The following CSGALNACT1 variants were observed in gnomAD, a reference collection of about 807,000 sequenced individuals.
The protein encoded by CSGALNACT1 is chondroitin sulfate N-acetylgalactosaminyltransferase 1.
In CSGALNACT1, 52 loss-of-function variants were observed where a neutral mutation model predicts 51.0. The observed-to-expected ratio is 1.02, with a 90% confidence interval of 0.82 to 1.29. CSGALNACT1 has a LOEUF of 1.29. Among genes scored for constraint, CSGALNACT1 ranks in the 50% most tolerant of loss-of-function variants. The probability of loss-of-function intolerance (pLI) is 0.00; values close to 1 mark genes in which losing one functional copy is unlikely to be tolerated. For synonymous variants in CSGALNACT1, 341 were observed against 254.4 expected, an observed-to-expected ratio of 1.34 and a Z score of -3.24; for missense variants, 935 against 679.2, an observed-to-expected ratio of 1.38 and a Z score of -4.19.
intron 4 of CSGALNACT1, among the ~76,000 whole-genome samples, chr8:19,502,573 A>C (rs1046280529): frequency 3.9e-5 from 6 of 152,306 alleles, no homozygotes; most frequent in African/African-American, 1.4e-4. Flanking sequence ...TGGAACTCTC[A>C]AAGTGTGGAG....
At chr8:19,535,000 G>C (rs1445333262) in intron 3 of CSGALNACT1, among the ~76,000 whole-genome samples, 1 of 152,160 alleles carries the variant, frequency 6.6e-6, no homozygotes, top group Non-Finnish European at 1.5e-5. Context: ...AAAAGATGTT[G>C]CCAGGTTGAA....
At chr8:19,587,989 G>A (rs2047013259) in intron 3 of CSGALNACT1, 1 of 152,152 alleles carries the variant, frequency 6.6e-6, no homozygotes, top group Non-Finnish European at 1.5e-5. Context: ...TCAGGAGTTT[G>A]AGACCAGCCT....
At chr8:19,604,365 G>A (rs2051044994), upstream of CSGALNACT1, among the ~76,000 whole-genome samples, 1 of 152,176 alleles carries the variant, frequency 6.6e-6, no homozygotes, top group African/African-American at 2.4e-5. Flanking sequence ...CACCACACAA[G>A]CTATGTTACA....
At chr8:19,507,909 G>A (rs1464255325) in intron 3 of CSGALNACT1, among the ~76,000 whole-genome samples, 4 of 152,254 alleles carry the variant, frequency 2.6e-5, no homozygotes, top group South Asian at 2.1e-4. Context: ...TTACAGGCGT[G>A]AGCCGCCGTG....
At chr8:19,642,227 G>A (rs2056817683) in intron 1 of CSGALNACT1, among the ~76,000 whole-genome samples, 1 of 152,186 alleles carries the variant, frequency 6.6e-6, no homozygotes, top group Non-Finnish European at 1.5e-5. Flanking sequence ...GAAGGGTAGA[G>A]ATCAGAGAAG....
chr8:19,699,747 C>T (rs1406153357), intron 1 of CSGALNACT1, among the ~76,000 whole-genome samples: 2 of 152,128 alleles, frequency 1.3e-5, no homozygotes, highest in East Asian at 1.9e-4. Context: ...TACCTATTGC[C>T]ACTGAATTGT....
intron 3 of CSGALNACT1, among the ~76,000 whole-genome samples, chr8:19,517,618 C>T: frequency 6.6e-6 from 1 of 152,102 alleles, no homozygotes; most frequent in East Asian, 1.9e-4. Context: ...TTCCACATGG[C>T]TGGGGAGGCC....
chr8:19,461,172 C>T (rs1435104207), intron 4 of CSGALNACT1, among the ~76,000 whole-genome samples: 2 of 152,132 alleles, frequency 1.3e-5, no homozygotes, highest in Non-Finnish European at 2.9e-5. Flanking sequence ...TTTCAAAGTC[C>T]CAGAGGGAAA....
At chr8:19,440,013 G>A (rs1290380321) in intron 5 of CSGALNACT1, 82 bp from the exon 5 acceptor site, 1 of 1,168,300 alleles carries the variant, frequency 8.6e-7, no homozygotes, top group Non-Finnish European at 1.3e-6. Context: ...TTTGTAAAGT[G>A]CAAAAGGGTC....
At chr8:19,540,821 G>C (rs1189611135) in intron 3 of CSGALNACT1, among the ~76,000 whole-genome samples, 2 of 152,024 alleles carry the variant, frequency 1.3e-5, no homozygotes, top group Admixed American at 1.3e-4. Flanking sequence ...CCCTTTGCTG[G>C]AATAATCCCC....
intron 3 of CSGALNACT1, among the ~76,000 whole-genome samples, chr8:19,554,022 T>C (rs560818580): frequency 2.6e-5 from 4 of 152,006 alleles, no homozygotes; most frequent in Admixed American, 6.6e-5. Context: ...AGTTTGTCCA[T>C]TGTTCAACAT....
At chr8:19,410,935 C>G (rs918146829) in intron 8 of CSGALNACT1, among the ~76,000 whole-genome samples, 8 of 152,234 alleles carry the variant, frequency 5.3e-5, no homozygotes, top group African/African-American at 1.7e-4. Context: ...CAATAGCAGT[C>G]TGGCGGGAGT....
chr8:19,650,247 G>C (rs1488690347), intron 1 of CSGALNACT1, among the ~76,000 whole-genome samples: 1 of 152,144 alleles, frequency 6.6e-6, no homozygotes, highest in Non-Finnish European at 1.5e-5. Context: ...GAATCAAATT[G>C]AAACTATTAA....
chr8:19,662,057 TGCCCCCACCCCCCCCCACCCCCCCCC>T (rs2058783564), intron 1 of CSGALNACT1, among the ~76,000 whole-genome samples: 1 of 80,392 alleles, frequency 1.2e-5, no homozygotes, highest in Non-Finnish European at 2.6e-5. Flanking sequence ...CTATTACAGT[TGCCCCCACCCCCCCCCACCCCCCCCC>T]CCCCCCGCAT....
intron 3 of CSGALNACT1, among the ~76,000 whole-genome samples, chr8:19,528,119 G>T (rs1483938633): frequency 6.6e-6 from 1 of 152,100 alleles, no homozygotes; most frequent in African/African-American, 2.4e-5. Flanking sequence ...GCCTGAGTAG[G>T]TTTGACACAG....
chr8:19,687,555 GATT>G (rs1174143285), upstream of CSGALNACT1, among the ~76,000 whole-genome samples: 1 of 152,166 alleles, frequency 6.6e-6, no homozygotes. Context: ...GTATAAACTG[GATT>G]ATGTTACTCC....
At position 19,730,913 on chromosome 8, in the gene CSGALNACT1, G is replaced by A. The variant is rs976083414; in HGVS notation, c.-297+26937C>T. ...CCCAAGCTTGGGCAGAACAGAATGC[G>A]TCCTCCTGCATTCTTCATGCCACGA... On this transcript the variant is annotated intron_variant, in intron 1 of 1. Transcript: ENST00000517494. Among the ~76,000 whole-genome samples, 12 of 152,128 alleles carry A rather than the reference G, an allele frequency of 7.9e-5. No individual in the cohort carries two copies. The East Asian group carries it at 9.6e-4, about 12-fold the overall frequency.
At chr8:19,739,799 C>A (rs982573955) in intron 1 of CSGALNACT1, among the ~76,000 whole-genome samples, 3 of 152,172 alleles carry the variant, frequency 2.0e-5, no homozygotes, top group African/African-American at 7.2e-5. Flanking sequence ...TGTGTGGAAC[C>A]ACCACCCCAT....
At chr8:19,601,777 G>A in exon 2 of CSGALNACT1, 1 of 453,452 alleles carries the variant, frequency 2.2e-6, no homozygotes, top group South Asian at 1.6e-5. Flanking sequence ...TTACCTGGGG[G>A]TTCAAGAAGG....
Sources: allele counts gnomAD v4.1 joint callset (sites outside exome capture counted in the v4.1 genomes callset), GRCh38; gene constraint gnomAD v4.1.1; transcripts MANE v1.5; gene names NCBI Gene and HGNC (gene_info 2026-07-23, HGNC 2026-07-21).